The following KIAA1549L variants were observed in gnomAD, a reference collection of about 807,000 sequenced individuals.
KIAA1549L encodes the protein KIAA1549 like.
Under a neutral mutation model 160.7 loss-of-function variants are expected in KIAA1549L, and 88 were observed. The ratio of observed to expected loss-of-function variants is 0.55; its 90% CI spans 0.46 to 0.65. The LOEUF (loss-of-function observed/expected upper bound fraction) is 0.65, where lower values mean the gene tolerates loss of function less well. Among genes scored for constraint, KIAA1549L ranks in the 30% least tolerant of loss-of-function variants. KIAA1549L has a pLI of 0.00. For synonymous variants in KIAA1549L, 950 were observed against 976.7 expected, an observed-to-expected ratio of 0.97 and a Z score of 0.51; for missense variants, 2,258 against 2,437.5, an observed-to-expected ratio of 0.93 and a Z score of 1.55.
intron 1 of KIAA1549L, among the ~76,000 whole-genome samples, chr11:33,539,609 C>T (rs1276412392): frequency 6.6e-6 from 1 of 152,236 alleles, no homozygotes; most frequent in Non-Finnish European, 1.5e-5. Flanking sequence ...CCTCCTCCTT[C>T]TGTTTTTCAG....
intron 20 of KIAA1549L, among the ~76,000 whole-genome samples, chr11:33,666,327 G>A (rs1335852070): frequency 2.0e-5 from 3 of 152,216 alleles, no homozygotes; most frequent in Admixed American, 2.0e-4. Context: ...GCTGCAGCCA[G>A]TATGATGGCA....
At position 33,565,875 on chromosome 11, in the gene KIAA1549L, G is replaced by A. The variant is rs143143648; in HGVS notation, c.4079-2201G>A. Among the ~76,000 whole-genome samples, 23 of 152,126 alleles carry A rather than the reference G, an allele frequency of 1.5e-4. No homozygotes were observed. In the East Asian group the frequency reaches 4.3e-3, roughly 28 times the overall value. ...TCTACAAAAACAAAAAATAGCCAGT[G>A]TGGTGGCTCATGCCTGTAGCCCAGG... On this transcript the variant is annotated intron_variant, in intron 8 of 20. Transcript: ENST00000658780.
At chr11:33,631,688 T>A (rs1851293593) in intron 16 of KIAA1549L, among the ~76,000 whole-genome samples, 1 of 152,182 alleles carries the variant, frequency 6.6e-6, no homozygotes, top group Admixed American at 6.5e-5. Context: ...CCAGCACCTT[T>A]TCCTGGCCCC....
rs1034907340 is a variant in KIAA1549L at position 33,640,062 on chromosome 11, C to A, written c.5410-5624C>A. Among the ~76,000 whole-genome samples, 6 of 152,168 alleles carry A rather than the reference C, an allele frequency of 3.9e-5. No individual in the cohort carries two copies. The South Asian group carries it at 1.2e-3, about 32-fold the overall frequency. ...AAAAGGTTTCAAAATATTGTAATGTCATTTTTAAAAACCTTATATATGTGT... is the reference window on the plus strand; with the variant it reads ...AAAAGGTTTCAAAATATTGTAATGTAATTTTTAAAAACCTTATATATGTGT... On this transcript the variant is annotated intron_variant, in intron 16 of 20. Transcript: ENST00000658780.
chr11:33,407,034 A>G (rs1850671605), intron 1 of KIAA1549L, among the ~76,000 whole-genome samples: 1 of 149,766 alleles, frequency 6.7e-6, no homozygotes, highest in African/African-American at 2.5e-5. Flanking sequence ...CCTGTTCTTC[A>G]TAGGTCTATC....
intron 1 of KIAA1549L, among the ~76,000 whole-genome samples, chr11:33,400,859 G>A (rs938206637): frequency 6.6e-6 from 1 of 152,130 alleles, no homozygotes; most frequent in Non-Finnish European, 1.5e-5. Flanking sequence ...GGTAAGAACT[G>A]TCATTATTCA....
At chr11:33,599,492 A>C (rs1850297118) in intron 13 of KIAA1549L, 2 of 137,958 alleles carry the variant, frequency 1.4e-5, no homozygotes, top group Non-Finnish European at 3.0e-5. Flanking sequence ...CAGATCTGTC[A>C]TCAAAAAAAA....
chr11:33,544,104 C>T lies in KIAA1549L; in HGVS notation c.2541C>T (p.Thr847=), dbSNP rs747033964. The T allele has an allele frequency of 6.2e-7, 1 of 1,614,008 alleles. No homozygotes were observed. Among genetic ancestry groups the T allele is most frequent in the South Asian group, 1.1e-5 (1 of 91,080 alleles). The stretch of plus-strand genomic sequence containing the variant: ...AGCCAGCACATCCTCTTTTGCTAAC[C>T]TCACCAGGACCAACTTCTACAGGTA... ...PNQPAHPLLL[T]SPGPTSTGSL... Residue 847 remains threonine (T), a synonymous_variant, in exon 2 of 21, where the codon ACC becomes ACT. Coordinates refer to ENST00000658780, the MANE Select transcript of KIAA1549L (RefSeq NM_012194.3).
chr11:33,667,347 C>T (rs897159041), intron 20 of KIAA1549L, among the ~76,000 whole-genome samples: 7 of 152,050 alleles, frequency 4.6e-5, no homozygotes, highest in Admixed American at 6.5e-5. Context: ...AAGTTTAAAA[C>T]ACCTATTTAA....
At chr11:33,482,629 A>G (rs1852435709) in intron 1 of KIAA1549L, among the ~76,000 whole-genome samples, 1 of 144,628 alleles carries the variant, frequency 6.9e-6, no homozygotes, top group Admixed American at 7.2e-5. Context: ...GTGCGGTGGC[A>G]TGATCTTGGC....
chr11:33,442,406 T>G (rs1167486886), intron 1 of KIAA1549L, among the ~76,000 whole-genome samples: 1 of 152,194 alleles, frequency 6.6e-6, no homozygotes, highest in Non-Finnish European at 1.5e-5. Context: ...CAATGCGGGC[T>G]CTTTTTTGGT....
intron 1 of KIAA1549L, among the ~76,000 whole-genome samples, chr11:33,451,917 C>T (rs1343161672): frequency 6.6e-6 from 1 of 152,152 alleles, no homozygotes; most frequent in Non-Finnish European, 1.5e-5. Context: ...CATATAGTCA[C>T]CTCAAACTCT....
chr11:33,529,146 G>A lies in KIAA1549L; in HGVS notation c.239-12656G>A, dbSNP rs1484229915. Among the ~76,000 whole-genome samples the A allele has an allele frequency of 2.6e-5, 4 of 152,172 alleles. No individual in the cohort carries two copies. In the East Asian group the frequency reaches 7.7e-4, roughly 29 times the overall value. ...AGCTCAGGAATTTGAGACCAGCCTGGCCAACAAAGCAAATGCCCATCTCTA... is the reference window on the plus strand; with the variant it reads ...AGCTCAGGAATTTGAGACCAGCCTGACCAACAAAGCAAATGCCCATCTCTA... On this transcript the variant is annotated intron_variant, in intron 1 of 20. Coordinates refer to ENST00000658780, the MANE Select transcript of KIAA1549L (RefSeq NM_012194.3).
intron 1 of KIAA1549L, among the ~76,000 whole-genome samples, chr11:33,474,601 A>G (rs1239586144): frequency 1.3e-5 from 2 of 152,242 alleles, no homozygotes; most frequent in African/African-American, 4.8e-5. Flanking sequence ...CACTAATGCT[A>G]TGCCTTGGGG....
chr11:33,539,514 G>A (rs1853966604), intron 1 of KIAA1549L, among the ~76,000 whole-genome samples: 1 of 152,202 alleles, frequency 6.6e-6, no homozygotes. Flanking sequence ...TATATCCTTT[G>A]TCAGCAGAGT....
rs768598459 is a variant in KIAA1549L at position 33,545,214 on chromosome 11, C to T, written c.3221C>T (p.Ala1074Val). The change falls in exon 3 of 21, where the codon GCG becomes GTG. Residue 1074 changes from alanine to valine, a missense_variant. Physicochemically the swap from Ala to Val is moderately conservative, Grantham distance 64 (BLOSUM62 0). Around this residue, in one of 6 missense-constraint regions of KIAA1549L, gnomAD observed 1,359 missense variants for 1,546.6 expected, o/e 0.88. Coordinates refer to ENST00000658780, the MANE Select transcript of KIAA1549L (RefSeq NM_012194.3). ...STPRPLTVTA[A>V]LTSITASVKA... ...CCACGCCCACTGACAGTCACGGCCG[C>T]GCTGACATCCATTACAGCCTCAGTG... 1.2e-5 allele frequency: 19 copies of T among 1,614,024 alleles called. No homozygotes were observed. Among genetic ancestry groups the T allele is most frequent in the East Asian group, 1.1e-4 (5 of 44,882 alleles).
At chr11:33,629,154 C>T (rs1482568806) in intron 16 of KIAA1549L, among the ~76,000 whole-genome samples, 6 of 152,148 alleles carry the variant, frequency 3.9e-5, no homozygotes, top group Non-Finnish European at 8.8e-5. Flanking sequence ...CCGAGAGATC[C>T]GCTGTTAGTC....
At position 33,543,746 on chromosome 11, in the gene KIAA1549L, C is replaced by T. The variant is rs1239334572; in HGVS notation, c.2183C>T (p.Thr728Ile). ...ACAAATTATGATTTAAATGGACACA[C>T]AATTAGCACCACAAGTTGGGAAACT... The part of the protein sequence containing the change: ...QQTNYDLNGH[T>I]ISTTSWETHL... Residue 728 changes from threonine to isoleucine, a missense_variant, in exon 2 of 21, where the codon ACA becomes ATA. Transcript: ENST00000658780. 3 of 1,613,948 alleles carry T rather than the reference C, an allele frequency of 1.9e-6. No homozygotes were observed. Among genetic ancestry groups the T allele is most frequent in the East Asian group, 4.5e-5 (2 of 44,908 alleles).
At chr11:33,511,704 G>C (rs1323046801) in intron 1 of KIAA1549L, among the ~76,000 whole-genome samples, 1 of 152,204 alleles carries the variant, frequency 6.6e-6, no homozygotes, top group Non-Finnish European at 1.5e-5. Flanking sequence ...CTCATGGATG[G>C]AATTTCCTTG....
Sources: allele counts gnomAD v4.1 joint callset (sites outside exome capture counted in the v4.1 genomes callset), GRCh38; gene constraint gnomAD v4.1.1; regional missense constraint gnomAD v4.1.1; transcripts MANE v1.5; gene names NCBI Gene and HGNC (gene_info 2026-07-23, HGNC 2026-07-21).